The following GULP1 variants were observed in gnomAD, a reference collection of about 807,000 sequenced individuals.
GULP1 encodes GULP PTB domain containing engulfment adaptor 1.
GULP1 carries 19 observed loss-of-function variants against 40.9 expected under a neutral mutation model. The observed-to-expected ratio is 0.46, with a 90% CI of 0.32 to 0.68. The LOEUF (loss-of-function observed/expected upper bound fraction) is 0.68, where lower values mean the gene tolerates loss of function less well. Among genes scored for constraint, GULP1 ranks in the 30% least tolerant of loss-of-function variants. The pLI is 0.03. For synonymous variants in GULP1, 119 were observed against 117.6 expected (o/e 1.01, Z -0.08); for missense variants, 312 against 362.2 (o/e 0.86, Z 1.12).
At chr2:188,483,075 C>T (rs1320641910) in intron 3 of GULP1, among the ~76,000 whole-genome samples, 1 of 151,706 alleles carries the variant, frequency 6.6e-6, no homozygotes, top group Non-Finnish European at 1.5e-5. Context: ...GAAAAATAAC[C>T]TATAATTCAT....
chr2:188,308,905 A>G (rs1235270692), intron 1 of GULP1, among the ~76,000 whole-genome samples: 2 of 152,138 alleles, frequency 1.3e-5, no homozygotes, highest in Non-Finnish European at 2.9e-5. Context: ...GTACATTTTC[A>G]TGGAGCTTTT....
chr2:188,587,113 A>G (rs34537781), intron 10 of GULP1, among the ~76,000 whole-genome samples: 354 of 152,148 alleles, frequency 2.3e-3, no homozygotes, highest in Non-Finnish European at 3.7e-3. Flanking sequence ...AGAATTTTTT[A>G]TTTTAAAAAT....
At chr2:188,450,120 A>T (rs1249923971) in intron 2 of GULP1, among the ~76,000 whole-genome samples, 1 of 152,160 alleles carries the variant, frequency 6.6e-6, no homozygotes, top group Non-Finnish European at 1.5e-5. Flanking sequence ...AATGTTTGTT[A>T]TGTGATCATC....
In GULP1 at chr2:188,351,826, G is replaced by A. The variant is rs969010331; in HGVS notation, c.-171-31937G>A. 2.0e-5 allele frequency among the ~76,000 whole-genome samples: 3 copies of A among 152,016 alleles called. 1 individual carries two copies. The highest frequency in any genetic ancestry group is 3.9e-4 in the East Asian group (2 of 5,172). On this transcript the variant is annotated intron_variant, in intron 1 of 11. Transcript: ENST00000409830. ...GTGAGAATTCCTGTACATACTTCTC[G>A]TATTAAATTTCTTCATTTATTCAGT... is the stretch of plus-strand genomic sequence containing the variant.
At chr2:188,304,393 C>A (rs2106170952) in intron 1 of GULP1, among the ~76,000 whole-genome samples, 1 of 152,168 alleles carries the variant, frequency 6.6e-6, no homozygotes, top group East Asian at 1.9e-4. Context: ...AGTAAAGATA[C>A]AAAGAATAGT....
intron 1 of GULP1, among the ~76,000 whole-genome samples, chr2:188,368,628 T>TA (rs146239982): frequency 0.015 from 2,339 of 151,626 alleles, 100 homozygotes; most frequent in East Asian, 0.15. Context: ...AGACTTTAGT[T>TA]AAAAAAATGT....
At chr2:188,309,326 C>T (rs2037673754) in intron 1 of GULP1, among the ~76,000 whole-genome samples, 1 of 151,938 alleles carries the variant, frequency 6.6e-6, no homozygotes, top group Admixed American at 6.6e-5. Context: ...AATAGCCTGG[C>T]ATGGGGATGT....
chr2:188,425,495 T>C (rs1276328171), intron 2 of GULP1, among the ~76,000 whole-genome samples: 3 of 152,176 alleles, frequency 2.0e-5, no homozygotes, highest in Non-Finnish European at 4.4e-5. Context: ...AGTCTTTCAA[T>C]AGTCAGAGTT....
At chr2:188,513,168 A>G (rs2064775905) in intron 4 of GULP1, among the ~76,000 whole-genome samples, 1 of 152,138 alleles carries the variant, frequency 6.6e-6, no homozygotes, top group South Asian at 2.1e-4. Context: ...TCTTTATAGA[A>G]GATTTAAAAA....
At chr2:188,590,863 T>C (rs1703413486) in intron 11 of GULP1, 1 of 152,132 alleles carries the variant, frequency 6.6e-6, no homozygotes, top group South Asian at 2.1e-4. Flanking sequence ...GCTAGTACTC[T>C]GGGAGAAGAT....
At position 188,555,213 on chromosome 2, in the gene GULP1, T is replaced by C. The variant is rs1016718866; in HGVS notation, c.399+13895T>C. Reference sequence around the variant, plus strand: ...GTTTTCTGGTTGTTTTATATATGACTTTCTTCTGTTATTGTTCATCTTTGT... The same window carrying C: ...GTTTTCTGGTTGTTTTATATATGACCTTCTTCTGTTATTGTTCATCTTTGT... On this transcript the variant is annotated intron_variant, in intron 7 of 11. Coordinates refer to ENST00000409830, the MANE Select transcript of GULP1 (RefSeq NM_016315.4). Among the ~76,000 whole-genome samples, 4 of 152,200 alleles carry C rather than the reference T, an allele frequency of 2.6e-5. No individual in the cohort carries two copies. The South Asian group carries it at 8.3e-4, about 31-fold the overall frequency.
intron 9 of GULP1, among the ~76,000 whole-genome samples, chr2:188,570,345 A>G (rs1365640924): frequency 6.6e-6 from 1 of 152,202 alleles, no homozygotes; most frequent in Non-Finnish European, 1.5e-5. Flanking sequence ...GTTTTCTAAC[A>G]TAATTCAACC....
chr2:188,526,482 C>T (rs1686184920), intron 5 of GULP1, among the ~76,000 whole-genome samples: 1 of 151,888 alleles, frequency 6.6e-6, no homozygotes, highest in Non-Finnish European at 1.5e-5. Context: ...GTAGATTGAT[C>T]AACATATCTT....
At chr2:188,412,687 G>A (rs1394157823) in intron 2 of GULP1, among the ~76,000 whole-genome samples, 1 of 152,158 alleles carries the variant, frequency 6.6e-6, no homozygotes, top group African/African-American at 2.4e-5. Flanking sequence ...TACTGCCAAG[G>A]AGACTTGAAG....
chr2:188,501,741 A>T (rs1234209456), intron 4 of GULP1, among the ~76,000 whole-genome samples: 1 of 151,972 alleles, frequency 6.6e-6, no homozygotes, highest in Non-Finnish European at 1.5e-5. Context: ...ATAGAACTAC[A>T]CAGCGTCTTA....
intron 2 of GULP1, among the ~76,000 whole-genome samples, chr2:188,400,845 A>G (rs1406353346): frequency 1.3e-5 from 2 of 151,732 alleles, no homozygotes; most frequent in East Asian, 1.9e-4. Flanking sequence ...AATCACATGT[A>G]ATATGGCCCA....
intron 4 of GULP1, 114 bp from the exon 5 acceptor site, chr2:188,522,642 A>G: frequency 2.3e-6 from 1 of 444,110 alleles, no homozygotes; most frequent in Non-Finnish European, 4.2e-6. Context: ...TATTTAATTA[A>G]CATATGAGTT....
At chr2:188,517,614 G>A (rs948179581) in intron 4 of GULP1, among the ~76,000 whole-genome samples, 12 of 152,060 alleles carry the variant, frequency 7.9e-5, no homozygotes, top group South Asian at 2.1e-4. Flanking sequence ...GCCAACTGGC[G>A]GTTCTGTGGA....
intron 2 of GULP1, among the ~76,000 whole-genome samples, chr2:188,433,995 C>CT (rs199943094): frequency 2.0e-3 from 308 of 151,214 alleles, no homozygotes; most frequent in African/African-American, 6.9e-3. Flanking sequence ...ATTCCCCCCA[C>CT]TTTTTTTTAA....
Sources: allele counts gnomAD v4.1 joint callset (sites outside exome capture counted in the v4.1 genomes callset), GRCh38; gene constraint gnomAD v4.1.1; transcripts MANE v1.5; gene names NCBI Gene and HGNC (gene_info 2026-07-23, HGNC 2026-07-21).